The following STX2 variants were observed in gnomAD, a reference collection of about 807,000 sequenced individuals.
STX2 encodes syntaxin-2.
Under a neutral mutation model 40.6 loss-of-function variants are expected in STX2, and 27 were observed. The ratio of observed to expected loss-of-function variants is 0.66; its 90% CI spans 0.49 to 0.92. The LOEUF (loss-of-function observed/expected upper bound fraction) is 0.92. STX2 is among the 40% of genes least tolerant of loss of function. STX2 has a pLI of 0.00. For missense variants in STX2, 328 were observed against 366.1 expected (o/e 0.90, Z 0.85); for synonymous variants, 123 against 119.1 (o/e 1.03, Z -0.22).
intron 1 of STX2, among the ~76,000 whole-genome samples, chr12:130,831,113 C>A (rs566291161): frequency 3.3e-4 from 50 of 152,288 alleles, no homozygotes; most frequent in African/African-American, 1.2e-3. Context: ...TTGGAACGAT[C>A]ATCATTTATA....
At chr12:130,828,921 G>A (rs1215569746) in intron 1 of STX2, among the ~76,000 whole-genome samples, 1 of 151,232 alleles carries the variant, frequency 6.6e-6, no homozygotes, top group Non-Finnish European at 1.5e-5. Flanking sequence ...CAACCGACAA[G>A]CAGCAGAAAC....
rs944559495 is a variant in STX2, at chr12:130,816,342, A to C, written c.206-3311T>G. Among the ~76,000 whole-genome samples, 3 of 152,294 alleles carry C rather than the reference A, an allele frequency of 2.0e-5. No individual in the cohort carries two copies. The South Asian group carries it at 6.2e-4, about 32-fold the overall frequency. ...GCAGGACTCACTCCCCTGGGGAAAG[A>C]AAGCCCTTGGCCGTTACACAGCAGG... On this transcript the variant is annotated intron_variant, in intron 3 of 10. Transcript: ENST00000392373.
intron 6 of STX2, among the ~76,000 whole-genome samples, chr12:130,804,164 T>C (rs1249993114): frequency 6.6e-6 from 1 of 152,198 alleles, no homozygotes; most frequent in East Asian, 1.9e-4. Context: ...GAAACTCACT[T>C]GCCATTTGAA....
At position 130,796,129 on chromosome 12, in the gene STX2, G is replaced by C. The variant is rs769886908; in HGVS notation, c.787-9C>G. Reference sequence around the variant, plus strand: ...ATAATTATCCACTTTTTCTGTCAAAGAAAAGCAAGCTGATTATATCATGCA... The same window carrying C: ...ATAATTATCCACTTTTTCTGTCAAACAAAAGCAAGCTGATTATATCATGCA... On this transcript the variant is annotated splice_polypyrimidine_tract_variant and intron_variant, in intron 9 of 10. Transcript: ENST00000392373. The C allele has an allele frequency of 3.7e-6, 6 of 1,613,364 alleles. No individual in the cohort carries two copies. The East Asian group carries it at 8.9e-5, about 24-fold the overall frequency.
intron 3 of STX2, among the ~76,000 whole-genome samples, chr12:130,814,412 G>A (rs1453719099): frequency 6.6e-6 from 1 of 152,032 alleles, no homozygotes; most frequent in Non-Finnish European, 1.5e-5. Context: ...TGGGAGTGGA[G>A]AGACTGGTGG....
rs143283159 is a variant in STX2 at position 130,813,125 on chromosome 12, C to T, written c.206-94G>A. 5.7e-5 allele frequency: 45 copies of T among 790,374 alleles called. No homozygotes were observed. The African/African-American group carries it at 7.5e-4, about 13-fold the overall frequency. 49.0% of individuals were successfully genotyped at this position (790,374 alleles called of 1,614,324 possible). A position where few individuals can be genotyped will look rare whatever the true frequency, so the allele number is the denominator to read the frequency against. ...CAATAAATTTAAGTGAAACAGTATC[C>T]TTAGTAAATATTCACTTTTTTTCTG... On this transcript the variant is annotated intron_variant, in intron 3 of 10. Transcript: ENST00000392373.
At chr12:130,798,846 G>A (rs577731206) in intron 8 of STX2, among the ~76,000 whole-genome samples, 61 of 152,218 alleles carry the variant, frequency 4.0e-4, no homozygotes, top group African/African-American at 1.5e-3. Flanking sequence ...ATTTTAAAAA[G>A]AATGAAAAGG....
intron 2 of STX2, among the ~76,000 whole-genome samples, chr12:130,824,696 T>G (rs1022647127): frequency 7.2e-5 from 11 of 152,196 alleles, no homozygotes; most frequent in African/African-American, 2.7e-4. Context: ...ACTGTTTTAG[T>G]GTTAACCAAA....
At chr12:130,808,811 C>T (rs934064540) in intron 4 of STX2, 107 bp from the exon 5 acceptor site, 1 of 969,978 alleles carries the variant, frequency 1.0e-6, no homozygotes, top group African/African-American at 1.6e-5. Context: ...CTTTATAAAA[C>T]TAAAGCTAAT....
At chr12:130,834,356 CAAAAA>C (rs11355842) in intron 1 of STX2, among the ~76,000 whole-genome samples, 4 of 92,810 alleles carry the variant, frequency 4.3e-5, no homozygotes, top group Non-Finnish European at 6.5e-5. Flanking sequence ...CACTCTGTCT[CAAAAA>C]AAAAAAAAAA....
chr12:130,812,887 CAA>C, intron 4 of STX2, 68 bp downstream of exon 4: 1 of 1,117,604 alleles, frequency 8.9e-7, no homozygotes, highest in Non-Finnish European at 1.3e-6. Context: ...GAACAAAAAC[CAA>C]TAAAGAAAAA....
rs1238457724 is a variant in STX2 at position 130,790,353 on chromosome 12, C to G, written c.*1670G>C. On this transcript the variant is annotated 3_prime_UTR_variant, in exon 11 of 11. Transcript: ENST00000392373. ...AGGCATCTCTACATTAGTTTCAAAC[C>G]AAATGGTGTTAAAAGTCACATGCTT... 1 of 152,136 alleles carries G rather than the reference C, an allele frequency of 6.6e-6. No homozygotes were observed. The highest frequency in any genetic ancestry group is 1.9e-4 in the East Asian group (1 of 5,186). The allele number at this position is 152,136 out of a possible 1,614,324, so 9.4% of individuals were successfully genotyped here. A position where few individuals can be genotyped will look rare whatever the true frequency, so the allele number is the denominator to read the frequency against.
At chr12:130,802,365 T>C (rs1010469055) in intron 6 of STX2, among the ~76,000 whole-genome samples, 7 of 152,134 alleles carry the variant, frequency 4.6e-5, no homozygotes, top group Non-Finnish European at 8.8e-5. Flanking sequence ...GCCCGGCTAA[T>C]TTTTGTATTT....
intron 1 of STX2, among the ~76,000 whole-genome samples, chr12:130,828,795 G>T (rs1952433859): frequency 6.6e-6 from 1 of 150,834 alleles, no homozygotes; most frequent in South Asian, 2.1e-4. Context: ...ATGAACCCGG[G>T]AGGTGGAGCT....
At chr12:130,838,351 T>G (rs1472935210) in intron 1 of STX2, among the ~76,000 whole-genome samples, 1 of 152,184 alleles carries the variant, frequency 6.6e-6, no homozygotes, top group East Asian at 1.9e-4. Context: ...CTTCCAAAAT[T>G]TTTAGTGACC....
intron 3 of STX2, among the ~76,000 whole-genome samples, chr12:130,816,129 C>T (rs1279935174): frequency 3.9e-5 from 6 of 152,218 alleles, no homozygotes; most frequent in South Asian, 4.1e-4. Context: ...GTGTAGGAGT[C>T]GAAGCTAAAA....
intron 3 of STX2, among the ~76,000 whole-genome samples, chr12:130,819,707 A>G (rs1275406089): frequency 1.3e-5 from 2 of 152,260 alleles, no homozygotes; most frequent in African/African-American, 4.8e-5. Context: ...GTTACATAAA[A>G]GGTCCTACGG....
At chr12:130,801,556 C>G in intron 6 of STX2, 68 bp from the exon 7 acceptor site, 1 of 1,446,814 alleles carries the variant, frequency 6.9e-7, no homozygotes, top group Non-Finnish European at 9.2e-7. Flanking sequence ...CATTTGCAAC[C>G]ATAAGTTAGC....
chr12:130,830,565 T>C (rs1047548469), intron 1 of STX2, among the ~76,000 whole-genome samples: 2 of 152,254 alleles, frequency 1.3e-5, no homozygotes, highest in African/African-American at 2.4e-5. Flanking sequence ...GTTTCCTCTA[T>C]TGTCTTATTT....
Sources: allele counts gnomAD v4.1 joint callset (sites outside exome capture counted in the v4.1 genomes callset), GRCh38; gene constraint gnomAD v4.1.1; transcripts MANE v1.5; gene names NCBI Gene and HGNC (gene_info 2026-07-23, HGNC 2026-07-21).